The following ZZEF1 variants were observed in gnomAD, a reference collection of about 807,000 sequenced individuals.
The protein encoded by ZZEF1 is zinc finger ZZ-type and EF-hand domain containing 1.
ZZEF1 carries 157 observed loss-of-function variants against 342.8 expected under a neutral mutation model. The ratio of observed to expected loss-of-function variants is 0.46; its 90% CI spans 0.40 to 0.52. The LOEUF (loss-of-function observed/expected upper bound fraction) is 0.52. Ranked by LOEUF, ZZEF1 falls within the 20% of genes least tolerant of loss-of-function variation. ZZEF1 has a pLI of 0.00. For synonymous variants in ZZEF1, 1,505 were observed against 1,429.1 expected (o/e 1.05, Z -1.20); for missense variants, 3,480 against 3,725.6 (o/e 0.93, Z 1.72).
intron 43 of ZZEF1, among the ~76,000 whole-genome samples, chr17:4,023,530 A>C (rs1194856939): frequency 5.3e-5 from 8 of 152,156 alleles, no homozygotes; most frequent in African/African-American, 1.9e-4. Flanking sequence ...TGAACTAAAG[A>C]AACAGCAGGC....
At chr17:4,132,205 T>C (rs2145589553) in intron 1 of ZZEF1, among the ~76,000 whole-genome samples, 1 of 150,496 alleles carries the variant, frequency 6.6e-6, no homozygotes, top group Non-Finnish European at 1.5e-5. Context: ...TTTTCTCTTT[T>C]TTTTTTTTTT....
intron 28 of ZZEF1, among the ~76,000 whole-genome samples, chr17:4,065,291 G>A (rs1426429621): frequency 6.6e-6 from 1 of 152,010 alleles, no homozygotes; most frequent in Non-Finnish European, 1.5e-5. Context: ...TATCTACTTG[G>A]GAGGCTGAGG....
At chr17:4,067,510 G>A (rs1423518296) in intron 26 of ZZEF1, among the ~76,000 whole-genome samples, 1 of 151,952 alleles carries the variant, frequency 6.6e-6, no homozygotes, top group Non-Finnish European at 1.5e-5. Context: ...AATATTAAAA[G>A]ATATAAAAAT....
intron 1 of ZZEF1, among the ~76,000 whole-genome samples, chr17:4,142,285 G>A (rs1567879669): frequency 6.6e-6 from 1 of 152,182 alleles, no homozygotes; most frequent in Non-Finnish European, 1.5e-5. Context: ...TCAATCAACT[G>A]CACAAAGGTC....
At chr17:4,018,948 G>C (rs1352008748) in intron 46 of ZZEF1, among the ~76,000 whole-genome samples, 1 of 149,608 alleles carries the variant, frequency 6.7e-6, no homozygotes, top group Non-Finnish European at 1.5e-5. Context: ...CTGTGGAGCA[G>C]AGCTGTCACC....
chr17:4,025,118 A>G lies in ZZEF1; in HGVS notation c.6893T>C (p.Val2298Ala), dbSNP rs1400587435. The G allele has an allele frequency of 6.2e-7, 1 of 1,614,000 alleles. No homozygotes were observed. The highest frequency in any genetic ancestry group is 8.5e-7 in the Non-Finnish European group (1 of 1,180,002). Reference protein sequence around the residue: ...VDVKTRKRKTVKDYQLVQKGG... With the variant: ...VDVKTRKRKTAKDYQLVQKGG... ...CTTCTGGACCAGCTGGTAGTCCTTC[A>G]CTGAAGGGTGACATCAGGCAGAAAA... Residue 2298 changes from valine (V) to alanine (A), a missense_variant and splice_region_variant, in exon 43 of 55, where the codon GTG (valine) becomes GCG (alanine). By Grantham distance (64) the Val-to-Ala change is moderately conservative. Transcript: ENST00000381638.
In ZZEF1 at chr17:4,085,822, G is replaced by C; in HGVS notation, c.2513-19C>G. On this transcript the variant is annotated intron_variant, in intron 15 of 54. Transcript: ENST00000381638. ...TCCACCACTGATAAAATGAACAATG[G>C]CATCAGCTTTCATATATTCCATCTA... 1.9e-6 allele frequency: 3 copies of C among 1,613,088 alleles called. No homozygotes were observed. The highest frequency in any genetic ancestry group is 2.2e-5 in the South Asian group (2 of 90,944).
In ZZEF1 at chr17:4,017,607, C is replaced by T. The variant is rs761756377; in HGVS notation, c.7765G>A (p.Ala2589Thr). ...YAKQRRSKSA[A>T]LLHKELNCKS... The stretch of plus-strand genomic sequence containing the variant: ...CAGTTCAGCTCCTTGTGCAGGAGGG[C>T]GGCGCTCTTGCTACGGCGCTGCTTG... The change falls in exon 48 of 55, where the codon GCC becomes ACC. Residue 2589 changes from alanine (A) to threonine (T), a missense_variant. This residue lies in a region of ZZEF1 where 1,269 missense variants were observed against 1,342.4 expected (regional missense o/e 0.95). Transcript: ENST00000381638. This position sits in a 1 kb window ranked among gnomAD's most constrained non-coding sequence, Gnocchi z 5.1. The T allele has an allele frequency of 2.2e-5, 36 of 1,614,094 alleles. No individual in the cohort carries two copies. In the African/African-American group the frequency reaches 2.3e-4, roughly 10 times the overall value.
intron 25 of ZZEF1, among the ~76,000 whole-genome samples, chr17:4,071,920 G>T (rs2057517800): frequency 6.6e-6 from 1 of 152,088 alleles, no homozygotes; most frequent in Admixed American, 6.6e-5. Context: ...TGTGGGGAAG[G>T]GAAGAAAGCC....
At chr17:4,032,053 T>G in intron 42 of ZZEF1, 73 bp downstream of exon 42, 2 of 1,487,502 alleles carry the variant, frequency 1.3e-6, no homozygotes, top group Non-Finnish European at 1.8e-6. Flanking sequence ...CAAGGTAATT[T>G]CATTGATTTT....
chr17:4,066,337 A>T, intron 28 of ZZEF1, 110 bp downstream of exon 28: 1 of 884,586 alleles, frequency 1.1e-6, no homozygotes, highest in Non-Finnish European at 1.8e-6. Flanking sequence ...TACTTTCCCT[A>T]GGTCAACACA....
At chr17:4,019,622 A>G (rs2056212960) in intron 46 of ZZEF1, 47 bp downstream of exon 46, 1 of 1,558,792 alleles carries the variant, frequency 6.4e-7, no homozygotes, top group Admixed American at 1.7e-5. Flanking sequence ...CCGCCCTCAC[A>G]TATTCTCTCC....
chr17:4,100,994 A>C (rs943900773), intron 9 of ZZEF1, among the ~76,000 whole-genome samples: 3 of 152,120 alleles, frequency 2.0e-5, no homozygotes, highest in South Asian at 2.1e-4. Flanking sequence ...CAAGGAGCTA[A>C]CACCACCCCC....
chr17:4,087,411 C>T, intron 14 of ZZEF1, 23 bp downstream of exon 14: 1 of 1,580,304 alleles, frequency 6.3e-7, no homozygotes, highest in Non-Finnish European at 8.6e-7. Context: ...GTGCTTATCA[C>T]CTTATAACAA....
rs2058358688 is a variant in ZZEF1, at chr17:4,114,246, G to A, written c.866+53C>T. 5 of 1,380,142 alleles carry A rather than the reference G, an allele frequency of 3.6e-6. No individual in the cohort carries two copies. The East Asian group carries it at 7.8e-5, about 21-fold the overall frequency. 85.5% of individuals were successfully genotyped at this position (1,380,142 alleles called of 1,614,324 possible). On this transcript the variant is annotated intron_variant, in intron 4 of 54. Transcript: ENST00000381638. ...TAAAATACAAAGAGTAGGCAGTTAA[G>A]AAGAAAACAATCCAAAATTTTAAAA...
chr17:4,112,867 T>C lies in ZZEF1; in HGVS notation c.867-59A>G, dbSNP rs183835174. The C allele has an allele frequency of 1.1e-5, 15 of 1,409,030 alleles. No individual in the cohort carries two copies. In the Admixed American group the frequency reaches 4.2e-4, roughly 39 times the overall value. 87.3% of individuals were successfully genotyped at this position (1,409,030 alleles called of 1,614,324 possible). ...TTATAGGAGTCAAGAACTGACAGGA[T>C]CCAGAAGTCCCACCTCAAAGAGCTT... On this transcript the variant is annotated intron_variant, in intron 4 of 54. Transcript: ENST00000381638.
intron 39 of ZZEF1, among the ~76,000 whole-genome samples, chr17:4,037,627 A>C (rs968293370): frequency 6.6e-6 from 1 of 152,188 alleles, no homozygotes; most frequent in African/African-American, 2.4e-5. Context: ...CCTATTGCCC[A>C]AACTGGAATG....
intron 29 of ZZEF1, among the ~76,000 whole-genome samples, chr17:4,063,520 T>C (rs929903289): frequency 5.3e-5 from 8 of 152,372 alleles, no homozygotes; most frequent in African/African-American, 1.9e-4. Flanking sequence ...GTTCTTGAGA[T>C]ATACTTTATA....
rs144490028 is a variant in ZZEF1 at position 4,097,138 on chromosome 17, G to A, written c.1673-438C>T. 8.4e-3 allele frequency among the ~76,000 whole-genome samples: 1,277 copies of A among 151,868 alleles called. 15 individuals carry two copies. The highest frequency in any genetic ancestry group is 0.029 in the African/African-American group (1,219 of 41,376). ...TATCCAGGTGTGGTGGCGGGCGCCT[G>A]TAGTCCCACCTACTCGGGAGGCTGA... On this transcript the variant is annotated intron_variant, in intron 9 of 54. Transcript: ENST00000381638.
Sources: gnomAD v4.1 joint callset for allele counts (sites outside exome capture counted in the v4.1 genomes callset) on GRCh38, gnomAD v4.1.1 for gene constraint, gnomAD v4.1.1 regional missense constraint, Gnocchi (gnomAD v3.1) non-coding constraint, MANE v1.5 for transcripts, NCBI Gene and HGNC (gene_info 2026-07-23, HGNC 2026-07-21) for gene names.